The following ATP13A3 variants were observed in gnomAD, a reference collection of about 807,000 sequenced individuals.
ATP13A3 encodes the protein polyamine-transporting ATPase 13A3.
In ATP13A3, 59 loss-of-function variants were observed where a neutral mutation model predicts 158.1. That is an observed-to-expected ratio of 0.37 (90% CI 0.30 to 0.46). ATP13A3 has a LOEUF of 0.46. Ranked by LOEUF, ATP13A3 falls within the 20% of genes least tolerant of loss-of-function variation. The probability of loss-of-function intolerance (pLI) is 1.00; values close to 1 mark genes in which losing one functional copy is unlikely to be tolerated. For synonymous variants in ATP13A3, 491 were observed against 504.3 expected, an observed-to-expected ratio of 0.97 and a Z score of 0.35; for missense variants, 1,166 against 1,525.2, an observed-to-expected ratio of 0.76 and a Z score of 3.92.
Position 194,448,644 on chromosome 3 carries a change from A to AAAC in ATP13A3, c.971-11_971-9dup, listed in dbSNP as rs746245332. 7.5e-6 allele frequency: 12 copies of AAAC among 1,603,628 alleles called. No homozygotes were observed. The African/African-American group carries it at 1.1e-4, about 14-fold the overall frequency. Reference sequence around the variant, plus strand: ...TCACTGGAACACTTTCTCCTTTAAAAAACAACAACAACAACAAAAACAGTT... The same window carrying AAAC: ...TCACTGGAACACTTTCTCCTTTAAAAAACAACAACAACAACAACAAAAACAGTT... On this transcript the variant is annotated splice_polypyrimidine_tract_variant and intron_variant, in intron 11 of 33. Transcript: ENST00000645319. The surrounding 1 kb of genome is among the most constrained non-coding windows in gnomAD (Gnocchi z 4.0).
Position 194,448,078 on chromosome 3 carries a change from CTCTCT to C in ATP13A3, c.1151-74_1151-70del. 1 of 1,406,152 alleles carries C rather than the reference CTCTCT, an allele frequency of 7.1e-7. No homozygotes were observed. The highest frequency in any genetic ancestry group is 9.9e-7 in the Non-Finnish European group (1 of 1,014,286). The allele number at this position is 1,406,152 out of a possible 1,614,324, so 87.1% of individuals were successfully genotyped here. On this transcript the variant is annotated intron_variant, in intron 12 of 33. Coordinates refer to ENST00000645319, the MANE Select transcript of ATP13A3 (RefSeq NM_001367549.1). The surrounding 1 kb of genome is among the most constrained non-coding windows in gnomAD (Gnocchi z 4.0). The stretch of plus-strand genomic sequence containing the variant: ...TGAGAATTATCTCCCAAAACAGAAT[CTCTCT>C]TTTTTTTTTTTTGAGACAGAGTCTC...
intron 29 of ATP13A3, among the ~76,000 whole-genome samples, chr3:194,426,795 G>C (rs1280422664): frequency 6.6e-6 from 1 of 152,206 alleles, no homozygotes; most frequent in South Asian, 2.1e-4. Flanking sequence ...CCAAGTTGCT[G>C]GGATTACAGA....
intron 2 of ATP13A3, among the ~76,000 whole-genome samples, chr3:194,477,344 C>G (rs75526089): frequency 0.034 from 5,209 of 152,302 alleles, 320 homozygotes; most frequent in African/African-American, 0.12. Context: ...TCCAGCAGTG[C>G]AGCTGAATAA....
chr3:194,460,029 T>G, intron 4 of ATP13A3, 58 bp from the exon 5 acceptor site: 1 of 1,308,618 alleles, frequency 7.6e-7, no homozygotes, highest in Non-Finnish European at 1.1e-6. Flanking sequence ...CTGCCTATAT[T>G]TTCATTTATT....
chr3:194,412,369 C>T, intron 32 of ATP13A3, 81 bp from the exon 33 acceptor site: 1 of 1,046,472 alleles, frequency 9.6e-7, no homozygotes, highest in Non-Finnish European at 1.4e-6. Flanking sequence ...AAAAATCACA[C>T]ATGCTGCATA....
Position 194,494,087 on chromosome 3 carries a change from C to T in ATP13A3, n.709G>A. On this transcript the variant is annotated non_coding_transcript_exon_variant, in exon 2 of 33. Coordinates refer to the ATP13A3 transcript ENST00000687055. This position sits in a 1 kb window ranked among gnomAD's most constrained non-coding sequence, Gnocchi z 4.2. ...CCAGGATTCAAACCCAGACACTTTG[C>T]TCCAGGGCCAAACTCTTGACCACTA... 2 of 398,472 alleles carry T rather than the reference C, an allele frequency of 5.0e-6. No individual in the cohort carries two copies. The highest frequency in any genetic ancestry group is 6.3e-4 in the Middle Eastern group (1 of 1,588). The allele number at this position is 398,472 out of a possible 1,614,324, so 24.7% of individuals were successfully genotyped here. A position where few individuals can be genotyped will look rare whatever the true frequency, so the allele number is the denominator to read the frequency against.
At chr3:194,457,060 T>G in intron 7 of ATP13A3, 34 bp downstream of exon 7, 24 of 1,526,928 alleles carry the variant, frequency 1.6e-5, no homozygotes, top group Non-Finnish European at 2.1e-5. Context: ...TTAGGAATTT[T>G]GAGAAGATCT....
In ATP13A3 at chr3:194,450,089, A is replaced by G. The variant is rs1577067915; in HGVS notation, c.970+56T>C. ...TAATTTTGAAAAGGCTTACTCACTAACTTAGTCATGATATATCATGAACAA... is the reference window on the plus strand; with the variant it reads ...TAATTTTGAAAAGGCTTACTCACTAGCTTAGTCATGATATATCATGAACAA... On this transcript the variant is annotated intron_variant, in intron 11 of 33. Coordinates refer to ENST00000645319, the MANE Select transcript of ATP13A3 (RefSeq NM_001367549.1). The G allele has an allele frequency of 5.6e-5, 87 of 1,564,302 alleles. No homozygotes were observed. The East Asian group carries it at 1.8e-3, about 32-fold the overall frequency.
At chr3:194,433,665 C>A in intron 21 of ATP13A3, 107 bp downstream of exon 21, 1 of 1,371,012 alleles carries the variant, frequency 7.3e-7, no homozygotes. Flanking sequence ...AGGTTGAAAC[C>A]ACTATAGACT....
At chr3:194,490,300 C>A (rs529747119), upstream of ATP13A3, among the ~76,000 whole-genome samples, 2 of 152,214 alleles carry the variant, frequency 1.3e-5, no homozygotes, top group Admixed American at 1.3e-4. This position sits in a 1 kb window ranked among gnomAD's most constrained non-coding sequence, Gnocchi z 4.4. Context: ...TAGCTCTCCA[C>A]AAAATGACCA....
chr3:194,459,393 T>A, intron 6 of ATP13A3, 78 bp downstream of exon 6: 1 of 959,834 alleles, frequency 1.0e-6, no homozygotes, highest in South Asian at 1.4e-5. Flanking sequence ...ATTTTATGAA[T>A]ACTAGAATGG....
intron 15 of ATP13A3, among the ~76,000 whole-genome samples, chr3:194,442,470 T>C (rs1445341213): frequency 2.0e-4 from 30 of 152,058 alleles, no homozygotes; most frequent in Admixed American, 6.5e-5. Context: ...AAGAATCCCG[T>C]AAATTTAAGA....
intron 33 of ATP13A3, among the ~76,000 whole-genome samples, chr3:194,407,185 G>A (rs879576486): frequency 2.7e-4 from 41 of 152,164 alleles, no homozygotes; most frequent in Non-Finnish European, 1.8e-4. Flanking sequence ...CTAAAGAACA[G>A]CCACTTCGTA....
chr3:194,475,861 T>G (rs1389566332), intron 2 of ATP13A3, among the ~76,000 whole-genome samples: 1 of 152,204 alleles, frequency 6.6e-6, no homozygotes, highest in African/African-American at 2.4e-5. Context: ...ACCAGAATAC[T>G]GCCTTTCAAA....
chr3:194,434,264 A>G (rs1038741658), intron 20 of ATP13A3, among the ~76,000 whole-genome samples: 2 of 152,256 alleles, frequency 1.3e-5, no homozygotes, highest in Admixed American at 6.5e-5. Context: ...CATTCAATAC[A>G]GTTTTCGTGG....
chr3:194,437,481 G>C lies in ATP13A3; in HGVS notation c.1846-17C>G, dbSNP rs772698783. On this transcript the variant is annotated splice_polypyrimidine_tract_variant and intron_variant, in intron 18 of 33. Transcript: ENST00000645319. ...ATAAGTAGCCTATATCATTTCAAAA[G>C]AGGCACAAAGCACTTAATATTCTTA... 6.2e-7 allele frequency: 1 copy of C among 1,613,918 alleles called. No individual in the cohort carries two copies. Among genetic ancestry groups the C allele is most frequent in the East Asian group, 2.2e-5 (1 of 44,882 alleles).
chr3:194,419,816 G>GA lies in ATP13A3; in HGVS notation c.3402+62dup. 4 of 1,516,316 alleles carry GA rather than the reference G, an allele frequency of 2.6e-6. No homozygotes were observed. In the South Asian group the frequency reaches 4.1e-5, roughly 15 times the overall value. The allele number at this position is 1,516,316 out of a possible 1,614,324, so 93.9% of individuals were successfully genotyped here. A position where few individuals can be genotyped will look rare whatever the true frequency, so the allele number is the denominator to read the frequency against. ...GAATACACAAAAAGAAGAGATCCTG[G>GA]AAAAAAAGAAATGTATACAGGTTAG... On this transcript the variant is annotated intron_variant, in intron 31 of 33. Transcript: ENST00000645319.
At position 194,484,699 on chromosome 3, in the gene ATP13A3, G is replaced by C. The variant is rs74504212; in HGVS notation, c.-47+1095C>G. Among the ~76,000 whole-genome samples the C allele has an allele frequency of 3.9e-3, 588 of 152,262 alleles. 7 individuals carry two copies. Among genetic ancestry groups the C allele is most frequent in the South Asian group, 0.013 (61 of 4,826 alleles). On this transcript the variant is annotated intron_variant, in intron 2 of 33. Transcript: ENST00000645319. The stretch of plus-strand genomic sequence containing the variant: ...AGAAATAGGATTTCAAAATGAGCTC[G>C]ATAATGTGGTTTATCCAAAGCGGAT...
At chr3:194,410,425 G>A (rs758671000) in intron 33 of ATP13A3, among the ~76,000 whole-genome samples, 2 of 149,300 alleles carry the variant, frequency 1.3e-5, no homozygotes, top group South Asian at 2.1e-4. Context: ...AAAAGTTGCC[G>A]GGCATGGTGG....
Sources: allele counts gnomAD v4.1 joint callset (sites outside exome capture counted in the v4.1 genomes callset), GRCh38; gene constraint gnomAD v4.1.1; non-coding constraint Gnocchi (gnomAD v3.1); transcripts MANE v1.5; gene names NCBI Gene and HGNC (gene_info 2026-07-23, HGNC 2026-07-21).